RAB31: variants seen among roughly 807,000 people sequenced by gnomAD.
The protein encoded by RAB31 is ras-related protein Rab-31.
In RAB31, 21 loss-of-function variants were observed where a neutral mutation model predicts 25.6. The ratio of observed to expected loss-of-function variants is 0.82; its 90% confidence interval spans 0.58 to 1.18. The LOEUF is 1.18. RAB31 is among the 50% of genes most tolerant of loss of function. The probability of loss-of-function intolerance (pLI) is 0.00; values close to 1 mark genes in which losing one functional copy is unlikely to be tolerated. For missense variants in RAB31, 196 were observed against 250.1 expected (o/e 0.78, Z 1.46); for synonymous variants, 87 against 84.0 (o/e 1.04, Z -0.20).
intron 1 of RAB31, among the ~76,000 whole-genome samples, chr18:9,772,592 A>G (rs2068350904): frequency 6.6e-6 from 1 of 152,252 alleles, no homozygotes. Flanking sequence ...GGGCGAGTGA[A>G]GAATGAGTGA....
intron 1 of RAB31, among the ~76,000 whole-genome samples, chr18:9,743,203 G>T (rs138071335): frequency 6.6e-6 from 1 of 152,258 alleles, no homozygotes; most frequent in African/African-American, 2.4e-5. Flanking sequence ...TATTTCTTCA[G>T]TTCTGTCTGG....
intron 3 of RAB31, among the ~76,000 whole-genome samples, chr18:9,801,823 T>C (rs2068515447): frequency 6.6e-6 from 1 of 152,248 alleles, no homozygotes; most frequent in South Asian, 2.1e-4. Context: ...GCTCTCACTT[T>C]TATCCCTGTG....
chr18:9,852,583 G>A (rs1392133509), intron 6 of RAB31, among the ~76,000 whole-genome samples: 1 of 148,654 alleles, frequency 6.7e-6, no homozygotes, highest in Non-Finnish European at 1.5e-5. Flanking sequence ...TATGGATTTT[G>A]CTGAGTTCCT....
At chr18:9,791,871 C>T (rs987502690) in intron 2 of RAB31, among the ~76,000 whole-genome samples, 14 of 152,196 alleles carry the variant, frequency 9.2e-5, no homozygotes, top group Admixed American at 2.0e-4. Flanking sequence ...CCCAAAGTGC[C>T]GGGATTACGG....
chr18:9,801,275 T>C (rs796282619), intron 3 of RAB31, among the ~76,000 whole-genome samples: 6 of 151,420 alleles, frequency 4.0e-5, no homozygotes, highest in African/African-American at 1.5e-4. Context: ...TGTACAATTC[T>C]TTGTGTAGAT....
chr18:9,839,318 G>A (rs2068720643), intron 5 of RAB31, among the ~76,000 whole-genome samples: 1 of 152,172 alleles, frequency 6.6e-6, no homozygotes, highest in Admixed American at 6.5e-5. Context: ...GGCAAACAGG[G>A]GAAGAGTAAG....
intron 1 of RAB31, among the ~76,000 whole-genome samples, chr18:9,759,062 A>G (rs549901725): frequency 2.0e-5 from 3 of 152,184 alleles, no homozygotes; most frequent in African/African-American, 7.2e-5. Flanking sequence ...TGTCCTTCCC[A>G]GGGTTTGGAC....
intron 1 of RAB31, among the ~76,000 whole-genome samples, chr18:9,770,604 T>C (rs977928705): frequency 3.9e-5 from 6 of 152,206 alleles, no homozygotes; most frequent in Non-Finnish European, 8.8e-5. Flanking sequence ...ATATCGACTA[T>C]ACAAATGATT....
At chr18:9,737,246 C>T (rs2145469415) in intron 1 of RAB31, among the ~76,000 whole-genome samples, 2 of 152,178 alleles carry the variant, frequency 1.3e-5, no homozygotes, top group Middle Eastern at 3.4e-3. Context: ...GCATAGCTGG[C>T]GATTCCATCT....
chr18:9,762,226 G>A (rs986661189), intron 1 of RAB31, among the ~76,000 whole-genome samples: 13 of 152,204 alleles, frequency 8.5e-5, no homozygotes, highest in African/African-American at 3.1e-4. Context: ...GGGAGGCGGG[G>A]ATTATTGGGA....
intron 1 of RAB31, chr18:9,722,985 A>G (rs953793271): frequency 1.3e-5 from 2 of 152,248 alleles, no homozygotes; most frequent in Non-Finnish European, 2.9e-5. Flanking sequence ...AGATGCAGAT[A>G]CTATTGAAAC....
chr18:9,759,095 C>T (rs910372114), intron 1 of RAB31, among the ~76,000 whole-genome samples: 3 of 152,052 alleles, frequency 2.0e-5, no homozygotes, highest in Admixed American at 6.6e-5. Flanking sequence ...TGGGAATAGA[C>T]GTTCAGACAT....
chr18:9,719,345 T>G (rs1203090636), intron 1 of RAB31, among the ~76,000 whole-genome samples: 1 of 116,270 alleles, frequency 8.6e-6, no homozygotes, highest in Non-Finnish European at 1.7e-5. Context: ...ATAAATTTGA[T>G]CTAATTATGA....
At chr18:9,714,338 G>A (rs566117759) in intron 1 of RAB31, among the ~76,000 whole-genome samples, 9 of 152,332 alleles carry the variant, frequency 5.9e-5, no homozygotes, top group African/African-American at 1.7e-4. Flanking sequence ...TGAGGAGCAT[G>A]CAACTTAGAT....
intron 2 of RAB31, among the ~76,000 whole-genome samples, chr18:9,780,805 C>G (rs1239082212): frequency 3.3e-5 from 5 of 152,140 alleles, no homozygotes; most frequent in Non-Finnish European, 7.3e-5. Flanking sequence ...TGGTGCACGC[C>G]TGTAATCCCA....
intron 2 of RAB31, among the ~76,000 whole-genome samples, chr18:9,783,227 T>C (rs1322556281): frequency 2.2e-4 from 34 of 152,156 alleles, no homozygotes; most frequent in Admixed American, 2.2e-3. Context: ...GAGTAGGTAT[T>C]GGCCCCATTT....
chr18:9,729,452 G>A (rs1029265792), intron 1 of RAB31, among the ~76,000 whole-genome samples: 2 of 151,990 alleles, frequency 1.3e-5, no homozygotes, highest in Non-Finnish European at 2.9e-5. Context: ...GCGTAAACCA[G>A]GGAGGGGGAG....
chr18:9,717,081 T>G (rs1387497397), intron 1 of RAB31, among the ~76,000 whole-genome samples: 1 of 151,426 alleles, frequency 6.6e-6, no homozygotes, highest in African/African-American at 2.4e-5. Flanking sequence ...GGCTTCTTTT[T>G]TGTTTTTTTG....
chr18:9,843,111 C>T (rs1048758092), intron 5 of RAB31, among the ~76,000 whole-genome samples: 1 of 152,216 alleles, frequency 6.6e-6, no homozygotes, highest in Non-Finnish European at 1.5e-5. Flanking sequence ...ATGTGATTTC[C>T]TCTCACCTGC....
Sources: allele counts gnomAD v4.1 joint callset (sites outside exome capture counted in the v4.1 genomes callset), GRCh38; gene constraint gnomAD v4.1.1; transcripts MANE v1.5; gene names NCBI Gene and HGNC (gene_info 2026-07-23, HGNC 2026-07-21).